KCNAB1: variants seen among roughly 807,000 people sequenced by gnomAD.
The protein encoded by KCNAB1 is potassium voltage-gated channel subfamily A regulatory beta subunit 1.
KCNAB1 carries 35 observed loss-of-function variants against 64.6 expected under a neutral mutation model. That is an observed-to-expected ratio of 0.54 (90% confidence interval 0.41 to 0.72). The LOEUF (loss-of-function observed/expected upper bound fraction) is 0.72. Among genes scored for constraint, KCNAB1 ranks in the 30% least tolerant of loss-of-function variants. KCNAB1 has a pLI of 0.00. For synonymous variants in KCNAB1, 177 were observed against 183.8 expected (o/e 0.96, Z 0.30); for missense variants, 401 against 512.9 (o/e 0.78, Z 2.11).
Position 156,434,421 on chromosome 3 carries a change from C to T in KCNAB1, c.319+12762C>T, listed in dbSNP as rs183014919. ...TGTCAGCATATACAGACAGCCCATA[C>T]GGAAGGTATATCAGGGCAGTAAGGT... On this transcript the variant is annotated intron_variant, in intron 2 of 13. Transcript: ENST00000490337. Among the ~76,000 whole-genome samples, 9 of 152,190 alleles carry T rather than the reference C, an allele frequency of 5.9e-5. No individual in the cohort carries two copies. The East Asian group carries it at 9.6e-4, about 16-fold the overall frequency.
At chr3:156,135,248 C>T (rs940809538) in intron 1 of KCNAB1, among the ~76,000 whole-genome samples, 3 of 152,112 alleles carry the variant, frequency 2.0e-5, no homozygotes, top group Non-Finnish European at 4.4e-5. Flanking sequence ...CCTCCCAGCT[C>T]GGCCTCCCAA....
intron 1 of KCNAB1, among the ~76,000 whole-genome samples, chr3:156,166,460 C>T (rs964041373): frequency 2.6e-5 from 4 of 151,938 alleles, no homozygotes; most frequent in South Asian, 2.1e-4. Context: ...AGAATGAATG[C>T]GCAATCCCAA....
At chr3:156,140,126 A>G (rs916516454) in intron 1 of KCNAB1, among the ~76,000 whole-genome samples, 1 of 152,236 alleles carries the variant, frequency 6.6e-6, no homozygotes, top group East Asian at 1.9e-4. Context: ...CTTTGTCAAT[A>G]AAAGATAAAA....
chr3:156,320,782 A>G (rs1047836486), intron 1 of KCNAB1, among the ~76,000 whole-genome samples: 2 of 152,194 alleles, frequency 1.3e-5, no homozygotes, highest in Admixed American at 6.5e-5. Context: ...TCTCCTCACC[A>G]TCACGTGTCC....
intron 8 of KCNAB1, among the ~76,000 whole-genome samples, chr3:156,484,037 A>G (rs754717506): frequency 6.6e-6 from 1 of 152,172 alleles, no homozygotes; most frequent in East Asian, 1.9e-4. Flanking sequence ...TTCTTTGGAA[A>G]TCAGTGATTC....
chr3:156,312,104 G>A (rs1721950051), intron 1 of KCNAB1, among the ~76,000 whole-genome samples: 1 of 152,236 alleles, frequency 6.6e-6, no homozygotes, highest in Admixed American at 6.5e-5. Context: ...ATGGGAACAT[G>A]ATGCTATTAG....
At chr3:156,195,529 A>C (rs1020811335) in intron 1 of KCNAB1, among the ~76,000 whole-genome samples, 1 of 152,214 alleles carries the variant, frequency 6.6e-6, no homozygotes, top group African/African-American at 2.4e-5. Flanking sequence ...CATTTCTCTA[A>C]TGACCAGTCA....
intron 8 of KCNAB1, among the ~76,000 whole-genome samples, chr3:156,493,477 A>C (rs923802986): frequency 6.6e-5 from 10 of 152,144 alleles, no homozygotes; most frequent in African/African-American, 2.2e-4. Context: ...ATAAAAAGTA[A>C]GGAAAATAGT....
At chr3:156,135,111 C>T (rs1251076693) in intron 1 of KCNAB1, among the ~76,000 whole-genome samples, 1 of 152,012 alleles carries the variant, frequency 6.6e-6, no homozygotes, top group Non-Finnish European at 1.5e-5. Flanking sequence ...ATTCTCATGC[C>T]TCAGCCTCCC....
At chr3:156,131,974 T>C (rs1714024999) in intron 1 of KCNAB1, among the ~76,000 whole-genome samples, 1 of 152,148 alleles carries the variant, frequency 6.6e-6, no homozygotes, top group Non-Finnish European at 1.5e-5. Context: ...GAGGCAACAT[T>C]GACTGGAATT....
chr3:156,384,524 A>T (rs947593021), intron 1 of KCNAB1, among the ~76,000 whole-genome samples: 3 of 152,212 alleles, frequency 2.0e-5, no homozygotes, highest in Non-Finnish European at 4.4e-5. Flanking sequence ...TGGAGTGCAA[A>T]AGCAAAAAAA....
intron 1 of KCNAB1, among the ~76,000 whole-genome samples, chr3:156,218,907 G>C (rs1404104688): frequency 6.6e-6 from 1 of 151,628 alleles, no homozygotes; most frequent in Non-Finnish European, 1.5e-5. Context: ...CTAGGGGAAG[G>C]GGGAGAACAC....
chr3:156,417,949 T>C (rs1365454126), intron 1 of KCNAB1, among the ~76,000 whole-genome samples: 2 of 152,244 alleles, frequency 1.3e-5, no homozygotes, highest in African/African-American at 2.4e-5. Flanking sequence ...AAAATTTGAC[T>C]GACAAAGCTA....
intron 1 of KCNAB1, among the ~76,000 whole-genome samples, chr3:156,329,477 C>T (rs1326780084): frequency 6.6e-6 from 1 of 152,054 alleles, no homozygotes; most frequent in East Asian, 1.9e-4. Context: ...AGAGAACCCC[C>T]CAACAGCTGG....
Position 156,330,582 on chromosome 3 carries a change from G to A in KCNAB1, c.276-91034G>A, listed in dbSNP as rs536918078. Among the ~76,000 whole-genome samples the A allele has an allele frequency of 4.6e-5, 7 of 152,270 alleles. 1 individual carries two copies. Among genetic ancestry groups the A allele is most frequent in the African/African-American group, 7.2e-5 (3 of 41,562 alleles). On this transcript the variant is annotated intron_variant, in intron 1 of 13. Coordinates refer to ENST00000490337, the MANE Select transcript of KCNAB1 (RefSeq NM_172160.3). ...AGACTATTTTCACTTAATGGAGCAA[G>A]ATGAGCTCAAAAGGACAGCTCAGCA...
At chr3:156,445,901 G>A (rs997523368) in intron 2 of KCNAB1, 3 of 151,770 alleles carry the variant, frequency 2.0e-5, no homozygotes, top group African/African-American at 7.3e-5. Flanking sequence ...TAGAGATGAA[G>A]GAAGCTCAAG....
chr3:156,421,205 C>G (rs1715444190), intron 1 of KCNAB1, among the ~76,000 whole-genome samples: 1 of 152,114 alleles, frequency 6.6e-6, no homozygotes, highest in African/African-American at 2.4e-5. Flanking sequence ...TGACCTAAGT[C>G]TAGACCAGGA....
At chr3:156,372,030 C>T (rs972825207) in intron 1 of KCNAB1, among the ~76,000 whole-genome samples, 1 of 152,176 alleles carries the variant, frequency 6.6e-6, no homozygotes, top group African/African-American at 2.4e-5. Flanking sequence ...CCCGAGACCA[C>T]ATGTGCAGTT....
chr3:156,345,230 A>G (rs1710028), intron 1 of KCNAB1, among the ~76,000 whole-genome samples: 29,814 of 152,144 alleles, frequency 0.2, 3,428 homozygotes, highest in Non-Finnish European at 0.27. Context: ...TATTACTTGG[A>G]AGTTGCATTT....
Sources: allele counts gnomAD v4.1 joint callset (sites outside exome capture counted in the v4.1 genomes callset), GRCh38; gene constraint gnomAD v4.1.1; transcripts MANE v1.5; gene names NCBI Gene and HGNC (gene_info 2026-07-23, HGNC 2026-07-21).